Variants in TENM4 observed in about 807,000 individuals in gnomAD.
TENM4 encodes teneurin transmembrane protein 4, also known as teneurin-4.
Under a neutral mutation model 243.3 loss-of-function variants are expected in TENM4, and 82 were observed. The ratio of observed to expected loss-of-function variants is 0.34; its 90% CI spans 0.28 to 0.40. The LOEUF is 0.40. Ranked by LOEUF, TENM4 falls within the 10% of genes least tolerant of loss-of-function variation. The pLI is 1.00. For missense variants in TENM4, 3,138 were observed against 3,673.3 expected (o/e 0.85, Z 3.77); for synonymous variants, 1,412 against 1,456.3 (o/e 0.97, Z 0.69).
chr11:79,273,193 T>C (rs1465003793), intron 2 of TENM4, among the ~76,000 whole-genome samples: 3 of 152,200 alleles, frequency 2.0e-5, no homozygotes, highest in African/African-American at 7.2e-5. Flanking sequence ...TGCATAATTG[T>C]TGCACTGAGA....
chr11:78,685,904 C>T (rs1020826269), intron 29 of TENM4, among the ~76,000 whole-genome samples: 1 of 152,176 alleles, frequency 6.6e-6, no homozygotes, highest in Admixed American at 6.5e-5. Context: ...ATTATATATC[C>T]ACAGTTCCCA....
At chr11:78,770,049 T>C (rs865978354) in intron 18 of TENM4, among the ~76,000 whole-genome samples, 1 of 152,254 alleles carries the variant, frequency 6.6e-6, no homozygotes, top group Non-Finnish European at 1.5e-5. Flanking sequence ...GGGAGCCACA[T>C]AGACTTGTTG....
intron 3 of TENM4, among the ~76,000 whole-genome samples, chr11:79,176,099 A>G (rs950851752): frequency 6.6e-6 from 1 of 152,178 alleles, no homozygotes; most frequent in Non-Finnish European, 1.5e-5. Flanking sequence ...CTCAAAATAA[A>G]TAAATAAATA....
intron 1 of TENM4, among the ~76,000 whole-genome samples, chr11:79,305,774 G>A (rs1384365594): frequency 6.6e-6 from 1 of 152,210 alleles, no homozygotes; most frequent in African/African-American, 2.4e-5. Flanking sequence ...AGAGGGATGA[G>A]GCTAGGAGGG....
chr11:78,740,320 A>G (rs1020642831), intron 19 of TENM4, among the ~76,000 whole-genome samples: 4 of 152,134 alleles, frequency 2.6e-5, no homozygotes, highest in African/African-American at 9.7e-5. Flanking sequence ...TCCTTTCTGA[A>G]GGCAAGAACA....
At chr11:78,797,257 G>A (rs899191728) in intron 15 of TENM4, among the ~76,000 whole-genome samples, 1 of 152,206 alleles carries the variant, frequency 6.6e-6, no homozygotes, top group Non-Finnish European at 1.5e-5. Context: ...CAATGTCAGA[G>A]GTTAATGTAT....
At chr11:79,204,713 G>A (rs1171806888) in intron 3 of TENM4, among the ~76,000 whole-genome samples, 1 of 152,188 alleles carries the variant, frequency 6.6e-6, no homozygotes, top group Admixed American at 6.5e-5. Flanking sequence ...CCTGCCCTGT[G>A]TCCTAGCCAT....
chr11:78,967,616 G>A (rs1857463621), intron 6 of TENM4, among the ~76,000 whole-genome samples: 1 of 152,178 alleles, frequency 6.6e-6, no homozygotes, highest in Non-Finnish European at 1.5e-5. Flanking sequence ...CTTTTTGGGT[G>A]GGGCTCAGAT....
chr11:78,847,879 T>A (rs2136189561), intron 12 of TENM4, among the ~76,000 whole-genome samples: 1 of 152,334 alleles, frequency 6.6e-6, no homozygotes, highest in Admixed American at 6.5e-5. Flanking sequence ...GTATATAATG[T>A]CAGAGATTTT....
intron 9 of TENM4, among the ~76,000 whole-genome samples, chr11:78,870,850 C>G (rs1349713201): frequency 6.6e-6 from 1 of 152,142 alleles, no homozygotes; most frequent in Non-Finnish European, 1.5e-5. Flanking sequence ...AAACTGGTGA[C>G]AAGGCAAGTT....
At chr11:78,673,363 A>G (rs1858385014) in intron 30 of TENM4, among the ~76,000 whole-genome samples, 1 of 152,238 alleles carries the variant, frequency 6.6e-6, no homozygotes, top group African/African-American at 2.4e-5. Context: ...ACATTTGGGC[A>G]CATTTTCTGT....
chr11:78,994,507 G>A (rs528650500), intron 6 of TENM4, among the ~76,000 whole-genome samples: 12 of 152,316 alleles, frequency 7.9e-5, no homozygotes, highest in South Asian at 6.2e-4. Context: ...AAGCTGGAAC[G>A]ACCATGTAAC....
At chr11:79,217,432 T>C (rs1864074413) in intron 2 of TENM4, among the ~76,000 whole-genome samples, 1 of 152,204 alleles carries the variant, frequency 6.6e-6, no homozygotes, top group African/African-American at 2.4e-5. Context: ...AAAGCCATTA[T>C]TTGAGAAGTT....
chr11:79,337,755 C>A (rs994301420), intron 1 of TENM4, among the ~76,000 whole-genome samples: 1 of 152,176 alleles, frequency 6.6e-6, no homozygotes, highest in African/African-American at 2.4e-5. Context: ...TTTGGACTCT[C>A]AAAAAGATCT....
chr11:79,274,790 T>G (rs1856025278), intron 2 of TENM4, among the ~76,000 whole-genome samples: 1 of 152,162 alleles, frequency 6.6e-6, no homozygotes, highest in African/African-American at 2.4e-5. Context: ...AAGCAGCATT[T>G]TCAACTTAGT....
intron 1 of TENM4, among the ~76,000 whole-genome samples, chr11:79,419,246 G>T (rs1858881078): frequency 6.6e-6 from 1 of 152,176 alleles, no homozygotes; most frequent in Non-Finnish European, 1.5e-5. Context: ...GTTGAATCAA[G>T]AACTGAGGGC....
intron 29 of TENM4, among the ~76,000 whole-genome samples, chr11:78,683,733 A>G (rs7927200): frequency 0.68 from 98,398 of 145,228 alleles, 34,114 homozygotes; most frequent in African/African-American, 0.79. Context: ...GAAATCACCC[A>G]TCTTCTGCGT....
chr11:78,955,881 C>T (rs142444991), intron 6 of TENM4, among the ~76,000 whole-genome samples: 416 of 152,266 alleles, frequency 2.7e-3, no homozygotes, highest in Non-Finnish European at 2.5e-3. Flanking sequence ...GCCCTCAATG[C>T]GGGGCCATAA....
At chr11:79,395,769 G>C (rs1352189075) in intron 1 of TENM4, among the ~76,000 whole-genome samples, 1 of 152,158 alleles carries the variant, frequency 6.6e-6, no homozygotes, top group Non-Finnish European at 1.5e-5. Context: ...GCCTTGGGGG[G>C]ATTTTGAGTT....
Sources: gnomAD v4.1 joint callset for allele counts (sites outside exome capture counted in the v4.1 genomes callset) on GRCh38, gnomAD v4.1.1 for gene constraint, MANE v1.5 for transcripts, NCBI Gene and HGNC (gene_info 2026-07-23, HGNC 2026-07-21) for gene names.